CSMD1: variants seen among roughly 807,000 people sequenced by gnomAD.
The protein encoded by CSMD1 is CUB and Sushi multiple domains 1.
Under a neutral mutation model 417.5 loss-of-function variants are expected in CSMD1, and 213 were observed. The observed-to-expected ratio is 0.51, with a 90% confidence interval of 0.46 to 0.57. The LOEUF is 0.57. Ranked by LOEUF, CSMD1 falls within the 20% of genes least tolerant of loss-of-function variation. The pLI, the probability that CSMD1 is intolerant of heterozygous loss-of-function variation, is 0.00. For missense variants in CSMD1, 6,923 were observed against 4,529.7 expected, an observed-to-expected ratio of 1.53 and a Z score of -15.17; for synonymous variants, 2,862 against 1,736.8, an observed-to-expected ratio of 1.65 and a Z score of -16.11.
intron 1 of CSMD1, among the ~76,000 whole-genome samples, chr8:4,743,433 T>C (rs188636748): frequency 1.3e-5 from 2 of 152,140 alleles, no homozygotes; most frequent in Non-Finnish European, 2.9e-5. Context: ...AATGAACGTG[T>C]GTCAAGAATG....
intron 15 of CSMD1, among the ~76,000 whole-genome samples, chr8:3,400,610 T>C (rs1299826102): frequency 1.3e-5 from 2 of 151,990 alleles, no homozygotes; most frequent in East Asian, 1.9e-4. Flanking sequence ...ATATTTGAAG[T>C]AACGTTTGGA....
chr8:4,027,677 G>T lies in CSMD1; in HGVS notation c.610+4228C>A, dbSNP rs971389029. ...ATTTCTTCATAGTAGCATGATAACG[G>T]ACTAATACAGATGACAACTGACATT... On this transcript the variant is annotated intron_variant, in intron 4 of 69. Coordinates refer to ENST00000635120, the MANE Select transcript of CSMD1 (RefSeq NM_033225.6). Among the ~76,000 whole-genome samples the T allele has an allele frequency of 2.0e-5, 3 of 152,188 alleles. No individual in the cohort carries two copies. The East Asian group carries it at 5.8e-4, about 29-fold the overall frequency.
intron 3 of CSMD1, among the ~76,000 whole-genome samples, chr8:4,292,557 G>A (rs1366940041): frequency 1.3e-5 from 2 of 152,050 alleles, no homozygotes; most frequent in African/African-American, 2.4e-5. Context: ...GTGCCCGCCC[G>A]AATTTTTTAA....
intron 4 of CSMD1, among the ~76,000 whole-genome samples, chr8:4,026,878 C>T (rs1052494421): frequency 6.6e-6 from 1 of 152,158 alleles, no homozygotes; most frequent in African/African-American, 2.4e-5. Context: ...TGGAATTTGG[C>T]AAGGTGTAGT....
chr8:3,272,278 C>G (rs1275443774), intron 26 of CSMD1, among the ~76,000 whole-genome samples: 2 of 144,382 alleles, frequency 1.4e-5, no homozygotes, highest in Non-Finnish European at 3.1e-5. Flanking sequence ...CTGTTCTATT[C>G]CATTGATCTA....
chr8:3,549,566 T>G (rs1292228370), intron 10 of CSMD1, among the ~76,000 whole-genome samples: 1 of 152,202 alleles, frequency 6.6e-6, no homozygotes, highest in Admixed American at 6.5e-5. Context: ...GATTAATGCA[T>G]TAATTTGTTA....
intron 41 of CSMD1, among the ~76,000 whole-genome samples, chr8:3,129,716 G>A (rs546944806): frequency 6.6e-6 from 1 of 151,298 alleles, no homozygotes; most frequent in Non-Finnish European, 1.5e-5. Context: ...GGGCCGGGCG[G>A]GGTGGCTCAT....
At chr8:4,552,625 A>G (rs1234462086) in intron 2 of CSMD1, among the ~76,000 whole-genome samples, 1 of 146,318 alleles carries the variant, frequency 6.8e-6, no homozygotes, top group Non-Finnish European at 1.5e-5. Context: ...CAATTGGGGA[A>G]AAAAAAAATG....
chr8:2,955,538 C>T, intron 64 of CSMD1, 51 bp downstream of exon 64: 1 of 1,584,976 alleles, frequency 6.3e-7, no homozygotes, highest in South Asian at 1.1e-5. Context: ...GGCAGCTGAT[C>T]CTTTCCCTTG....
At chr8:3,567,307 C>T (rs1166901280) in intron 10 of CSMD1, among the ~76,000 whole-genome samples, 4 of 152,018 alleles carry the variant, frequency 2.6e-5, no homozygotes, top group Admixed American at 2.0e-4. Flanking sequence ...TCAGAAAAAA[C>T]AACTGTTGGG....
At chr8:3,286,277 C>A (rs933565731) in intron 25 of CSMD1, among the ~76,000 whole-genome samples, 25 of 152,246 alleles carry the variant, frequency 1.6e-4, no homozygotes, top group African/African-American at 5.8e-4. Flanking sequence ...AATAGTGCCG[C>A]TATAAACATA....
chr8:4,806,844 A>AT (rs1798617530), intron 1 of CSMD1, among the ~76,000 whole-genome samples: 1 of 152,220 alleles, frequency 6.6e-6, no homozygotes, highest in Admixed American at 6.5e-5. Flanking sequence ...TGAAGGTGTC[A>AT]TAAAAAAATA....
intron 3 of CSMD1, among the ~76,000 whole-genome samples, chr8:4,168,980 C>G (rs972850978): frequency 6.6e-6 from 1 of 152,126 alleles, no homozygotes; most frequent in Admixed American, 6.5e-5. Context: ...GGCCGTTCTC[C>G]TCATTTTCCT....
chr8:3,002,365 A>G (rs1807480556), intron 52 of CSMD1, among the ~76,000 whole-genome samples: 1 of 152,192 alleles, frequency 6.6e-6, no homozygotes, highest in Non-Finnish European at 1.5e-5. Context: ...CCCTAGAGAC[A>G]GGGAGACGAG....
chr8:4,830,153 T>C (rs1800067645), intron 1 of CSMD1, among the ~76,000 whole-genome samples: 2 of 152,160 alleles, frequency 1.3e-5, no homozygotes, highest in African/African-American at 4.8e-5. Flanking sequence ...CTGAGAAATC[T>C]GACAGTACAA....
chr8:4,346,526 C>G (rs888358925), intron 3 of CSMD1, among the ~76,000 whole-genome samples: 7 of 152,106 alleles, frequency 4.6e-5, no homozygotes, highest in African/African-American at 1.7e-4. Context: ...GAATTAAAAT[C>G]CAGTTACAGA....
chr8:4,973,745 T>G (rs760027986), intron 1 of CSMD1, among the ~76,000 whole-genome samples: 2 of 152,186 alleles, frequency 1.3e-5, no homozygotes, highest in African/African-American at 4.8e-5. Flanking sequence ...GTGCATTTAT[T>G]TATTTTTTAT....
chr8:3,933,045 T>C (rs1584989849), intron 5 of CSMD1, among the ~76,000 whole-genome samples: 1 of 135,580 alleles, frequency 7.4e-6, no homozygotes, highest in African/African-American at 2.8e-5. Context: ...AAAAAAAAAC[T>C]GCTTGTGGCA....
chr8:2,954,172 A>C, intron 65 of CSMD1, 52 bp downstream of exon 65: 1 of 1,032,050 alleles, frequency 9.7e-7, no homozygotes, highest in South Asian at 1.5e-5. Flanking sequence ...TGCAGAGTAG[A>C]GAACAAATCA....
Sources: allele counts gnomAD v4.1 joint callset (sites outside exome capture counted in the v4.1 genomes callset), GRCh38; gene constraint gnomAD v4.1.1; transcripts MANE v1.5; gene names NCBI Gene and HGNC (gene_info 2026-07-23, HGNC 2026-07-21).